Variants in PRSS55 observed in about 807,000 individuals in gnomAD.
The protein encoded by PRSS55 is probable serine protease UNQ9391/PRO34284.
In PRSS55, 41 loss-of-function variants were observed where a neutral mutation model predicts 23.6. The ratio of observed to expected loss-of-function variants is 1.74; its 90% CI spans 1.35 to 2.26. PRSS55 has a LOEUF of 2.26. PRSS55 is among the 30% of genes most tolerant of loss of function. The pLI, the probability that PRSS55 is intolerant of heterozygous loss-of-function variation, is 0.00. For missense variants in PRSS55, 669 were observed against 439.1 expected, an observed-to-expected ratio of 1.52 and a Z score of -4.68; for synonymous variants, 262 against 175.5, an observed-to-expected ratio of 1.49 and a Z score of -3.90.
intron 4 of PRSS55, among the ~76,000 whole-genome samples, chr8:10,549,913 C>A (rs2117085093): frequency 6.6e-6 from 1 of 152,244 alleles, no homozygotes; most frequent in African/African-American, 2.4e-5. Flanking sequence ...ACCCATAAGT[C>A]ATTTTTATCT....
downstream of PRSS55, among the ~76,000 whole-genome samples, chr8:10,539,031 G>C (rs1286789397): frequency 6.6e-6 from 1 of 151,104 alleles, no homozygotes; most frequent in Non-Finnish European, 1.5e-5. Flanking sequence ...CCAAAATGAG[G>C]CATTTATGGA....
intron 4 of PRSS55, among the ~76,000 whole-genome samples, chr8:10,553,344 G>A (rs115639891): frequency 6.6e-6 from 1 of 152,138 alleles, no homozygotes. Context: ...CTAGTTTTGG[G>A]TATGTCTTTA....
At position 10,538,650 on chromosome 8, in the gene PRSS55, T is replaced by G. The variant is rs774472305; in HGVS notation, c.916T>G (p.Phe306Val). The G allele has an allele frequency of 6.2e-7, 1 of 1,614,138 alleles. No individual in the cohort carries two copies. The highest frequency in any genetic ancestry group is 1.7e-5 in the Admixed American group (1 of 60,028). Residue 306 changes from phenylalanine to valine, a missense_variant, in exon 5 of 5, where the codon TTC (phenylalanine) becomes GTC (valine). Transcript: ENST00000328655. ...EKVTQLEGRP[F>V]NAEKRRTSVK... is the part of the protein sequence containing the mutation. ...AGTGACCCAGCTAGAGGGCAGGCCC[T>G]TCAATGCAGAGAAAAGGAGGACTTC...
chr8:10,546,145 C>G (rs1812812694), intron 4 of PRSS55, among the ~76,000 whole-genome samples: 1 of 152,150 alleles, frequency 6.6e-6, no homozygotes, highest in African/African-American at 2.4e-5. Flanking sequence ...CAGAATGAAG[C>G]TGGCCATGGC....
chr8:10,527,581 G>A (rs958998700), intron 1 of PRSS55, among the ~76,000 whole-genome samples: 1 of 152,332 alleles, frequency 6.6e-6, no homozygotes, highest in African/African-American at 2.4e-5. Flanking sequence ...GGATTCTTGG[G>A]CGTAGGGAGG....
exon 5 of PRSS55, chr8:10,554,091 A>G (rs1007829516): frequency 8.8e-7 from 1 of 1,140,482 alleles, no homozygotes; most frequent in Non-Finnish European, 1.2e-6. Context: ...ACCCTTGGGC[A>G]TAGCCTTGAG....
intron 4 of PRSS55, among the ~76,000 whole-genome samples, chr8:10,537,863 G>A (rs1405478261): frequency 6.6e-6 from 1 of 152,194 alleles, no homozygotes; most frequent in East Asian, 1.9e-4. Flanking sequence ...TGGACGGAAG[G>A]ATGTGGGGCA....
At chr8:10,535,995 G>A (rs1812440191) in intron 4 of PRSS55, among the ~76,000 whole-genome samples, 1 of 152,184 alleles carries the variant, frequency 6.6e-6, no homozygotes, top group Non-Finnish European at 1.5e-5. Flanking sequence ...GACCATCCTG[G>A]CTAACACGGT....
rs1445577183 is a variant in PRSS55 at position 10,532,923 on chromosome 8, A to C, written c.616A>C (p.Lys206Gln). 6.2e-7 allele frequency: 1 copy of C among 1,614,182 alleles called. No individual in the cohort carries two copies. ...QTNAADKNSV[K>Q]TDLMKAPMVI... ...TGGGCCAGCTGACAAAAACTCTGTG[A>C]AAACGGATCTGATGAAAGCGCCAAT... Residue 206 changes from lysine to glutamine, a missense_variant, in exon 4 of 5, where the codon AAA (lysine) becomes CAA (glutamine). Coordinates refer to ENST00000328655, the MANE Select transcript of PRSS55 (RefSeq NM_198464.4).
chr8:10,535,502 A>G (rs995333631), intron 4 of PRSS55, among the ~76,000 whole-genome samples: 1 of 152,268 alleles, frequency 6.6e-6, no homozygotes, highest in African/African-American at 2.4e-5. Flanking sequence ...TGTTGGGATA[A>G]CTGGCTAGCC....
At chr8:10,553,926 TA>T (rs998122450) in intron 4 of PRSS55, 8 of 1,480,094 alleles carry the variant, frequency 5.4e-6, no homozygotes, top group Non-Finnish European at 5.4e-6. Flanking sequence ...TTTGTCAATT[TA>T]ATTTTTTTTT....
At position 10,547,881 on chromosome 8, in the gene PRSS55, C is replaced by T. The variant is rs1355656882; in HGVS notation, c.742-6062C>T. On this transcript the variant is annotated intron_variant, in intron 4 of 4. Coordinates refer to the PRSS55 transcript ENST00000522210. ...GAACAACATGTCACGCCCTCAGAAG[C>T]CGACACTCTAGGGGAACAGACACCG... Among the ~76,000 whole-genome samples, 9 of 152,206 alleles carry T rather than the reference C, an allele frequency of 5.9e-5. No homozygotes were observed. In the East Asian group the frequency reaches 1.6e-3, roughly 26 times the overall value.
intron 4 of PRSS55, chr8:10,553,904 A>C (rs1397420591): frequency 6.5e-6 from 9 of 1,376,436 alleles, no homozygotes; most frequent in Middle Eastern, 1.9e-4. Flanking sequence ...TAAATACATA[A>C]AATTTTTTTA....
intron 4 of PRSS55, among the ~76,000 whole-genome samples, chr8:10,548,450 C>T (rs1301687510): frequency 2.0e-5 from 3 of 152,136 alleles, no homozygotes; most frequent in South Asian, 2.1e-4. Flanking sequence ...TGGGCCCTCA[C>T]GGGTGGGGCC....
Position 10,525,561 on chromosome 8 carries a change from C to G in PRSS55, c.-25C>G, listed in dbSNP as rs369678545. Reference sequence around the variant, plus strand: ...CCTCAGCCCTGGCCTCTGTCACCCCCGGGCCCACAGCACAGCCCAGGGCCA... The same window carrying G: ...CCTCAGCCCTGGCCTCTGTCACCCCGGGGCCCACAGCACAGCCCAGGGCCA... On this transcript the variant is annotated 5_prime_UTR_variant, in exon 1 of 5. Coordinates refer to ENST00000328655, the MANE Select transcript of PRSS55 (RefSeq NM_198464.4). The G allele has an allele frequency of 8.7e-6, 14 of 1,604,796 alleles. No individual in the cohort carries two copies. In the Admixed American group the frequency reaches 1.2e-4, roughly 13 times the overall value.
intron 1 of PRSS55, chr8:10,529,293 C>G: frequency 1.7e-6 from 1 of 601,984 alleles, no homozygotes; most frequent in South Asian, 2.0e-5. Context: ...GCTTCTGACT[C>G]TATCTGTTGC....
At chr8:10,534,748 T>G (rs1359818613) in intron 4 of PRSS55, among the ~76,000 whole-genome samples, 5 of 152,126 alleles carry the variant, frequency 3.3e-5, no homozygotes, top group African/African-American at 1.2e-4. Context: ...ATGAAAGGCA[T>G]CCAAATAAGA....
intron 4 of PRSS55, among the ~76,000 whole-genome samples, chr8:10,533,573 A>G (rs1207253327): frequency 1.3e-5 from 2 of 152,226 alleles, no homozygotes; most frequent in African/African-American, 4.8e-5. Context: ...CTTTAATAAA[A>G]TGAATACACG....
At chr8:10,543,551 T>C (rs960300988), downstream of PRSS55, among the ~76,000 whole-genome samples, 7 of 151,028 alleles carry the variant, frequency 4.6e-5, no homozygotes, top group South Asian at 2.1e-4. Context: ...TTGTTTCCTT[T>C]AACAAATCTG....
Sources: allele counts gnomAD v4.1 joint callset (sites outside exome capture counted in the v4.1 genomes callset), GRCh38; gene constraint gnomAD v4.1.1; transcripts MANE v1.5; gene names NCBI Gene and HGNC (gene_info 2026-07-23, HGNC 2026-07-21).